Variants in OTOF observed in about 807,000 individuals in gnomAD.
OTOF encodes fer-1-like family member 2.
In OTOF, 218 loss-of-function variants were observed where a neutral mutation model predicts 236.8. The observed-to-expected ratio is 0.92, with a 90% confidence interval of 0.82 to 1.03. The LOEUF (loss-of-function observed/expected upper bound fraction) is 1.03. Ranked by LOEUF, OTOF falls within the 50% of genes least tolerant of loss-of-function variation. OTOF has a pLI of 0.00. For missense variants in OTOF, 2,590 were observed against 2,694.4 expected, an observed-to-expected ratio of 0.96 and a Z score of 0.86; for synonymous variants, 1,041 against 1,072.5, an observed-to-expected ratio of 0.97 and a Z score of 0.57.
At chr2:26,485,219 A>C (rs1452571922) in intron 11 of OTOF, among the ~76,000 whole-genome samples, 2 of 152,132 alleles carry the variant, frequency 1.3e-5, no homozygotes, top group Non-Finnish European at 2.9e-5. Flanking sequence ...TTGAGCTTGG[A>C]ATGCCCTCAT....
chr2:26,466,463 A>G, intron 36 of OTOF: 1 of 541,364 alleles, frequency 1.8e-6, no homozygotes, highest in East Asian at 3.5e-5. Flanking sequence ...CAGCCTCCTC[A>G]GTAGCTGGGA....
rs139201321 is a variant in OTOF at position 26,464,878 on chromosome 2, C to T, written c.4951G>A (p.Asp1651Asn). 29 of 1,602,912 alleles carry T rather than the reference C, an allele frequency of 1.8e-5. No individual in the cohort carries two copies. In the African/African-American group the frequency reaches 3.4e-4, roughly 19 times the overall value. The change falls in exon 39 of 47, where the codon GAC (aspartate) becomes AAC (asparagine). Residue 1651 changes from aspartate to asparagine, a missense_variant. By Grantham distance (23) the Asp-to-Asn change is conservative. Transcript: ENST00000272371. ...RVFTGPSEIE[D>N]ENGQRKPTDE... Reference sequence around the variant, plus strand: ...TCCAGTGCCCCATTACCGTTCTCGTCCTCAATCTCAGAGGGCCCAGTGAAG... The same window carrying T: ...TCCAGTGCCCCATTACCGTTCTCGTTCTCAATCTCAGAGGGCCCAGTGAAG...
rs72857914 is a variant in OTOF, at chr2:26,558,350, C to T, written c.79+143G>A. On this transcript the variant is annotated intron_variant, in intron 1 of 46. Coordinates refer to ENST00000272371, the MANE Select transcript of OTOF (RefSeq NM_194248.3). ...CAGTCAGTCCCAGGCAGATGACTAC[C>T]TGTGAAAAGGCTCGTCGCCCCAGCC... The T allele has an allele frequency of 7.1e-4, 515 of 727,328 alleles. 1 individual carries two copies. In the African/African-American group the frequency reaches 7.9e-3, roughly 11 times the overall value. The allele number at this position is 727,328 out of a possible 1,614,324, so 45.1% of individuals were successfully genotyped here.
intron 9 of OTOF, among the ~76,000 whole-genome samples, chr2:26,493,930 G>A (rs916949208): frequency 5.3e-5 from 8 of 152,178 alleles, no homozygotes; most frequent in Non-Finnish European, 1.0e-4. Flanking sequence ...TTGCAAGACC[G>A]TTATTAAAAG....
chr2:26,499,576 C>G (rs1346078939), intron 8 of OTOF, among the ~76,000 whole-genome samples: 1 of 152,110 alleles, frequency 6.6e-6, no homozygotes, highest in East Asian at 1.9e-4. Context: ...GGTGCGGTCT[C>G]GACTCACTAC....
Position 26,462,385 on chromosome 2 carries a change from C to T in OTOF, c.5193-204G>A, listed in dbSNP as rs181078859. On this transcript the variant is annotated intron_variant, in intron 41 of 46. Transcript: ENST00000272371. This position sits in a 1 kb window ranked among gnomAD's most constrained non-coding sequence, Gnocchi z 4.7. ...GGCCCACCAGGCACATGGCTGTGGG[C>T]GGTGGGGGTGGGGTGAGGGGAGGAA... Among the ~76,000 whole-genome samples the T allele has an allele frequency of 1.1e-4, 15 of 140,152 alleles. No homozygotes were observed. The East Asian group carries it at 3.4e-3, about 32-fold the overall frequency. 91.9% of individuals were successfully genotyped at this position (140,152 alleles called of 152,430 possible).
intron 3 of OTOF, among the ~76,000 whole-genome samples, chr2:26,527,243 G>T (rs1366558122): frequency 6.6e-6 from 1 of 152,220 alleles, no homozygotes; most frequent in African/African-American, 2.4e-5. Context: ...ATGAGTGAGT[G>T]AATATCTATC....
At chr2:26,479,680 T>C (rs1419038057) in intron 16 of OTOF, 27 bp from the exon 17 acceptor site, 1 of 1,607,996 alleles carries the variant, frequency 6.2e-7, no homozygotes, top group South Asian at 1.1e-5. Context: ...CCAGAAGGCC[T>C]AGAGTGCATT....
chr2:26,489,557 G>C, intron 10 of OTOF, 121 bp downstream of exon 10: 1 of 843,310 alleles, frequency 1.2e-6, no homozygotes, highest in Non-Finnish European at 2.0e-6. Context: ...GCCCAGCCGT[G>C]TGTCCAGGCA....
chr2:26,526,551 T>G (rs919148233), intron 3 of OTOF, among the ~76,000 whole-genome samples: 1 of 152,190 alleles, frequency 6.6e-6, no homozygotes. Flanking sequence ...CCTCTATGAT[T>G]TTCCCTTTCA....
chr2:26,556,195 G>A (rs975210348), intron 1 of OTOF, among the ~76,000 whole-genome samples: 1 of 152,164 alleles, frequency 6.6e-6, no homozygotes, highest in African/African-American at 2.4e-5. Context: ...GGGAGCCTGG[G>A]GCCAGTGTCT....
intron 9 of OTOF, 70 bp from the exon 10 acceptor site, chr2:26,489,810 C>A: frequency 8.2e-7 from 1 of 1,215,410 alleles, no homozygotes; most frequent in South Asian, 1.2e-5. Flanking sequence ...TGTTGGGCCC[C>A]TCCCTCCTCG....
intron 32 of OTOF, among the ~76,000 whole-genome samples, chr2:26,468,995 T>C (rs1664859606): frequency 6.6e-6 from 1 of 152,006 alleles, no homozygotes; most frequent in Non-Finnish European, 1.5e-5. Flanking sequence ...GGCACATGCA[T>C]ACATATGTAA....
chr2:26,552,148 G>T (rs1390935069), intron 1 of OTOF, among the ~76,000 whole-genome samples: 1 of 150,616 alleles, frequency 6.6e-6, no homozygotes, highest in African/African-American at 2.4e-5. Context: ...CCAGCACTTT[G>T]GGAGGCTGAG....
Position 26,477,561 on chromosome 2 carries a change from A to T in OTOF, c.2316-55T>A, listed in dbSNP as rs2148052200. ...AGCCTGACCAGCAGGGGCTCTGTAG[A>T]TTCTTCCTCATCTGCCCAGCCCTGG... On this transcript the variant is annotated intron_variant, in intron 19 of 46. Transcript: ENST00000272371. The surrounding 1 kb of genome is among the most constrained non-coding windows in gnomAD (Gnocchi z 4.7). The T allele has an allele frequency of 6.3e-7, 1 of 1,595,768 alleles. No homozygotes were observed. Among genetic ancestry groups the T allele is most frequent in the Non-Finnish European group, 8.6e-7 (1 of 1,169,334 alleles).
chr2:26,501,314 C>T (rs908843115), intron 8 of OTOF, among the ~76,000 whole-genome samples: 2 of 152,214 alleles, frequency 1.3e-5, no homozygotes, highest in African/African-American at 4.8e-5. Context: ...CACAGTCTCA[C>T]CATCCAGAGA....
intron 4 of OTOF, 130 bp from the exon 5 acceptor site, chr2:26,516,729 A>G: frequency 1.1e-6 from 1 of 933,060 alleles, no homozygotes; most frequent in South Asian, 1.4e-5. Context: ...TCAGGATGGT[A>G]TGATCCCCTC....
chr2:26,526,349 G>C (rs1031857630), intron 3 of OTOF, among the ~76,000 whole-genome samples: 4 of 151,726 alleles, frequency 2.6e-5, no homozygotes, highest in African/African-American at 9.7e-5. Flanking sequence ...GTGGATAAAT[G>C]AATTGATAAA....
chr2:26,485,880 C>A (rs570648910), intron 11 of OTOF, among the ~76,000 whole-genome samples: 1 of 152,162 alleles, frequency 6.6e-6, no homozygotes, highest in Non-Finnish European at 1.5e-5. Context: ...CAGGAAGGCA[C>A]GTGGATGAGG....
Sources: allele counts gnomAD v4.1 joint callset (sites outside exome capture counted in the v4.1 genomes callset), GRCh38; gene constraint gnomAD v4.1.1; non-coding constraint Gnocchi (gnomAD v3.1); transcripts MANE v1.5; gene names NCBI Gene and HGNC (gene_info 2026-07-23, HGNC 2026-07-21).